RGS7: variants seen among roughly 807,000 people sequenced by gnomAD.
RGS7 encodes the protein regulator of G-protein signaling 7.
Under a neutral mutation model 81.1 loss-of-function variants are expected in RGS7, and 27 were observed. The observed-to-expected ratio is 0.33, with a 90% CI of 0.25 to 0.46. The LOEUF (loss-of-function observed/expected upper bound fraction) is 0.46, where lower values mean the gene tolerates loss of function less well. RGS7 is among the 20% of genes least tolerant of loss of function. The pLI is 1.00. For synonymous variants in RGS7, 208 were observed against 207.7 expected, an observed-to-expected ratio of 1.00 and a Z score of -0.01; for missense variants, 396 against 607.4, an observed-to-expected ratio of 0.65 and a Z score of 3.66.
intron 6 of RGS7, among the ~76,000 whole-genome samples, chr1:240,900,810 C>T (rs570744034): frequency 6.6e-6 from 1 of 152,318 alleles, no homozygotes; most frequent in South Asian, 2.1e-4. Flanking sequence ...AAGCACTACT[C>T]TCTTCAAAGC....
At chr1:241,070,607 C>T (rs1367172893) in intron 3 of RGS7, among the ~76,000 whole-genome samples, 1 of 152,150 alleles carries the variant, frequency 6.6e-6, no homozygotes, top group East Asian at 1.9e-4. Flanking sequence ...GGAGCTAAGC[C>T]TGAAACAGAT....
At chr1:241,206,967 T>C (rs1244212616) in intron 2 of RGS7, among the ~76,000 whole-genome samples, 3 of 131,034 alleles carry the variant, frequency 2.3e-5, no homozygotes, top group Non-Finnish European at 4.9e-5. Context: ...CTGGTTTTTT[T>C]TTTTTTTTTT....
chr1:241,120,505 G>A (rs949516453), intron 2 of RGS7, among the ~76,000 whole-genome samples: 3 of 151,958 alleles, frequency 2.0e-5, no homozygotes, highest in Non-Finnish European at 4.4e-5. Context: ...GCACCACCAC[G>A]CCTGGCTAAT....
At chr1:240,900,173 G>C (rs1669748242) in intron 6 of RGS7, among the ~76,000 whole-genome samples, 1 of 152,116 alleles carries the variant, frequency 6.6e-6, no homozygotes, top group African/African-American at 2.4e-5. Flanking sequence ...GTTTATTCTA[G>C]TTAGCCATTC....
At chr1:241,276,909 AAGAG>A (rs1007744026) in intron 2 of RGS7, among the ~76,000 whole-genome samples, 1 of 152,180 alleles carries the variant, frequency 6.6e-6, no homozygotes, top group African/African-American at 2.4e-5. Flanking sequence ...TTAAAAATAA[AAGAG>A]AGAGAGAAAG....
In RGS7 at chr1:240,868,828, C is replaced by T. The variant is rs758875880; in HGVS notation, c.475G>A (p.Ala159Thr). ...EAESLARLQR[A>T]FARKWEFIFM... is the part of the protein sequence containing the mutation. ...ATGAACTCCCACTTCCGGGCAAATG[C>T]TCTCTGCAGCCTGGCCAGGCTCTCC... Residue 159 changes from alanine to threonine, a missense_variant, in exon 8 of 19, where the codon GCA (alanine) becomes ACA (threonine). Transcript: ENST00000440928. This position sits in a 1 kb window ranked among gnomAD's most constrained non-coding sequence, Gnocchi z 5.1. 1 of 1,614,038 alleles carries T rather than the reference C, an allele frequency of 6.2e-7. No individual in the cohort carries two copies. Among genetic ancestry groups the T allele is most frequent in the Non-Finnish European group, 8.5e-7 (1 of 1,180,012 alleles).
chr1:240,881,053 C>T (rs1412521358), intron 6 of RGS7, among the ~76,000 whole-genome samples: 1 of 152,022 alleles, frequency 6.6e-6, no homozygotes, highest in Non-Finnish European at 1.5e-5. Flanking sequence ...ATATTTAGAA[C>T]CACAGTGATT....
chr1:241,250,811 T>A (rs2076792978), intron 2 of RGS7, among the ~76,000 whole-genome samples: 1 of 152,220 alleles, frequency 6.6e-6, no homozygotes, highest in African/African-American at 2.4e-5. Flanking sequence ...ATTGGTACCA[T>A]AAGAAGTTCA....
intron 6 of RGS7, among the ~76,000 whole-genome samples, chr1:240,881,783 C>T (rs1277707267): frequency 1.3e-5 from 2 of 152,002 alleles, no homozygotes; most frequent in Non-Finnish European, 2.9e-5. Context: ...TTTTCTGATA[C>T]ATAGTAATAA....
intron 2 of RGS7, among the ~76,000 whole-genome samples, chr1:241,327,885 AAAGGC>A (rs1382090938): frequency 2.0e-5 from 3 of 152,224 alleles, no homozygotes; most frequent in African/African-American, 4.8e-5. Context: ...TTTGATAGAA[AAAGGC>A]TTCTTAGAGT....
chr1:241,031,251 A>G (rs2060072264), intron 3 of RGS7, among the ~76,000 whole-genome samples: 1 of 152,194 alleles, frequency 6.6e-6, no homozygotes, highest in East Asian at 1.9e-4. Context: ...ATTTCACTTA[A>G]GACAATGGCC....
At chr1:240,865,814 T>C (rs1445887306) in intron 9 of RGS7, among the ~76,000 whole-genome samples, 2 of 152,228 alleles carry the variant, frequency 1.3e-5, no homozygotes, top group African/African-American at 4.8e-5. Context: ...TAGAAAGTTC[T>C]TGTCATTGCT....
chr1:240,958,713 C>A (rs1680854156), intron 4 of RGS7, among the ~76,000 whole-genome samples: 1 of 147,014 alleles, frequency 6.8e-6, no homozygotes, highest in Non-Finnish European at 1.6e-5. Context: ...CTCCTCCGTA[C>A]CTCTCCTTTA....
intron 2 of RGS7, among the ~76,000 whole-genome samples, chr1:241,119,836 T>C (rs372053505): frequency 2.4e-4 from 36 of 152,018 alleles, no homozygotes; most frequent in East Asian, 1.9e-3. Context: ...TTTTTTTCCA[T>C]TAAAAAAAGG....
At position 241,298,924 on chromosome 1, in the gene RGS7, A is replaced by T. The variant is rs150925177; in HGVS notation, c.78+56775T>A. Among the ~76,000 whole-genome samples the T allele has an allele frequency of 1.0e-3, 159 of 152,328 alleles. 1 individual carries two copies. The East Asian group carries it at 0.029, about 27-fold the overall frequency. On this transcript the variant is annotated intron_variant, in intron 2 of 18. Coordinates refer to ENST00000440928, the MANE Select transcript of RGS7 (RefSeq NM_001364886.1). ...TCAAGATAAGCTTCTAGAGAAAAAA[A>T]ATACAAAAACAAATGTAACAAGGTC...
At chr1:241,224,658 C>A (rs1434049823) in intron 2 of RGS7, among the ~76,000 whole-genome samples, 2 of 152,164 alleles carry the variant, frequency 1.3e-5, no homozygotes, top group African/African-American at 4.8e-5. Flanking sequence ...ATTCACTTTA[C>A]TTGAATATAA....
intron 3 of RGS7, among the ~76,000 whole-genome samples, chr1:241,038,236 T>C (rs2060432657): frequency 6.6e-6 from 1 of 152,220 alleles, no homozygotes; most frequent in Non-Finnish European, 1.5e-5. Flanking sequence ...GCTACTTCTC[T>C]AGCTGAGTTA....
intron 2 of RGS7, among the ~76,000 whole-genome samples, chr1:241,343,059 G>A (rs1162466216): frequency 3.3e-5 from 5 of 151,964 alleles, no homozygotes; most frequent in East Asian, 3.9e-4. Context: ...TCAGGAGATC[G>A]AGACCATCCT....
At chr1:240,992,159 T>C (rs965854945) in intron 3 of RGS7, among the ~76,000 whole-genome samples, 2 of 152,122 alleles carry the variant, frequency 1.3e-5, no homozygotes, top group Non-Finnish European at 2.9e-5. Context: ...ATTCCGGAAA[T>C]TTCCCAGTTC....
Sources: gnomAD v4.1 joint callset for allele counts (sites outside exome capture counted in the v4.1 genomes callset) on GRCh38, gnomAD v4.1.1 for gene constraint, Gnocchi (gnomAD v3.1) non-coding constraint, MANE v1.5 for transcripts, NCBI Gene and HGNC (gene_info 2026-07-23, HGNC 2026-07-21) for gene names.